The following GTF2F1 variants were observed in gnomAD, a reference collection of about 807,000 sequenced individuals.
The protein encoded by GTF2F1 is general transcription factor IIF 74 kDa subunit.
Under a neutral mutation model 63.5 loss-of-function variants are expected in GTF2F1, and 39 were observed. That is an observed-to-expected ratio of 0.61 (90% CI 0.48 to 0.80). The LOEUF (loss-of-function observed/expected upper bound fraction) is 0.80, where lower values mean the gene tolerates loss of function less well. GTF2F1 is among the 30% of genes least tolerant of loss of function. The probability of loss-of-function intolerance (pLI) is 0.00; values close to 1 mark genes in which losing one functional copy is unlikely to be tolerated. For synonymous variants in GTF2F1, 287 were observed against 285.3 expected (o/e 1.01, Z -0.06); for missense variants, 657 against 718.3 (o/e 0.91, Z 0.97).
intron 5 of GTF2F1, chr19:6,386,928 C>A: frequency 5.8e-6 from 1 of 171,540 alleles, no homozygotes; most frequent in Non-Finnish European, 1.2e-5. Context: ...GTGCTCTGGG[C>A]CCCCAGCCTC....
chr19:6,392,799 G>T, intron 2 of GTF2F1, 58 bp downstream of exon 2: 5 of 1,524,238 alleles, frequency 3.3e-6, no homozygotes, highest in Non-Finnish European at 4.6e-6. Context: ...TAAGAAGATC[G>T]TGAAGGTTTT....
chr19:6,383,404 G>T lies in GTF2F1; in HGVS notation c.589C>A (p.Arg197Ser), dbSNP rs750871501. 1.9e-6 allele frequency: 3 copies of T among 1,614,204 alleles called. No homozygotes were observed. Among genetic ancestry groups the T allele is most frequent in the Non-Finnish European group, 2.5e-6 (3 of 1,180,042 alleles). The stretch of plus-strand genomic sequence containing the variant: ...AGCTCGCTCGCCTTCCTGCGGCCAC[G>T]TTTCTCCTTCTCCTCCTCATCCTCG... ...QDEDEEEKEK[R>S]GRRKASELRI... is the part of the protein sequence containing the mutation. The change falls in exon 6 of 13, where the codon CGT (arginine) becomes AGT (serine). Residue 197 changes from arginine (R) to serine (S), a missense_variant. Physicochemically the swap from Arg to Ser is moderately radical, Grantham distance 110. Coordinates refer to ENST00000394456, the MANE Select transcript of GTF2F1 (RefSeq NM_002096.3). The surrounding 1 kb of genome is among the most constrained non-coding windows in gnomAD (Gnocchi z 4.5).
Position 6,383,454 on chromosome 19 carries a change from C to T in GTF2F1, c.539G>A (p.Arg180Gln), listed in dbSNP as rs745726136. ...VLNHFSIMQQ[R>Q]RLKDQDQDED... ...GTCCTGGTCCTGATCCTTGAGCCGC[C>T]GCTGCTGCATGATGCTGAAGTGGTT... The change falls in exon 6 of 13, where the codon CGG becomes CAG. Residue 180 changes from arginine to glutamine, a missense_variant. Physicochemically the swap from Arg to Gln is conservative, Grantham distance 43 (BLOSUM62 1). This residue lies in a region of GTF2F1 where 602 missense variants were observed against 625.6 expected (regional missense o/e 0.96). Coordinates refer to ENST00000394456, the MANE Select transcript of GTF2F1 (RefSeq NM_002096.3). The surrounding 1 kb of genome is among the most constrained non-coding windows in gnomAD (Gnocchi z 4.5). 1.3e-5 allele frequency: 21 copies of T among 1,614,032 alleles called. No individual in the cohort carries two copies. Among genetic ancestry groups the T allele is most frequent in the Non-Finnish European group, 1.7e-5 (20 of 1,180,042 alleles).
intron 3 of GTF2F1, among the ~76,000 whole-genome samples, chr19:6,391,415 T>C (rs190374108): frequency 9.3e-5 from 14 of 150,422 alleles, no homozygotes; most frequent in South Asian, 2.1e-4. Context: ...ACCCAGGAGC[T>C]AGGCCTGGGC....
chr19:6,387,596 AC>A, intron 4 of GTF2F1, 37 bp from the exon 5 acceptor site: 1 of 1,557,670 alleles, frequency 6.4e-7, no homozygotes, highest in Non-Finnish European at 8.8e-7. Context: ...GCCCATAGGG[AC>A]CAGCCCCAGC....
In GTF2F1 at chr19:6,381,663, A is replaced by G. The variant is rs376212238; in HGVS notation, c.836+34T>C. 1 of 1,613,948 alleles carries G rather than the reference A, an allele frequency of 6.2e-7. No individual in the cohort carries two copies. Among genetic ancestry groups the G allele is most frequent in the Non-Finnish European group, 8.5e-7 (1 of 1,180,022 alleles). On this transcript the variant is annotated intron_variant, in intron 7 of 12. Coordinates refer to ENST00000394456, the MANE Select transcript of GTF2F1 (RefSeq NM_002096.3). This position sits in a 1 kb window ranked among gnomAD's most constrained non-coding sequence, Gnocchi z 4.1. The stretch of plus-strand genomic sequence containing the variant: ...GATGAGCGCGCGCTCGCGAGGCTGC[A>G]TGGGGTCTCGCAGGCGCCTCCCGTC...
intron 5 of GTF2F1, among the ~76,000 whole-genome samples, chr19:6,385,141 T>A (rs961788365): frequency 3.3e-5 from 5 of 151,842 alleles, no homozygotes; most frequent in African/African-American, 1.2e-4. Context: ...ACACCTGTAA[T>A]CCCAGCATAT....
At chr19:6,387,132 T>C (rs1445033798) in intron 5 of GTF2F1, 2 of 470,534 alleles carry the variant, frequency 4.3e-6, no homozygotes, top group African/African-American at 2.0e-5. Context: ...AGGGGGCAGT[T>C]AGACCCCACC....
At chr19:6,389,190 C>CG (rs2091985963) in intron 4 of GTF2F1, among the ~76,000 whole-genome samples, 1 of 151,944 alleles carries the variant, frequency 6.6e-6, no homozygotes, top group African/African-American at 2.4e-5. Context: ...GAGCCAAGAT[C>CG]GTGCTACTGC....
At chr19:6,386,729 C>T (rs2091975503) in intron 5 of GTF2F1, 1 of 152,382 alleles carries the variant, frequency 6.6e-6, no homozygotes. Flanking sequence ...AGGCGTGAGC[C>T]ACCACACCCA....
In GTF2F1 at chr19:6,389,574, C is replaced by A. The variant is rs2091988310; in HGVS notation, c.196G>T (p.Gly66Cys). Residue 66 changes from glycine (G) to cysteine (C), a missense_variant, in exon 4 of 13, where the codon GGC becomes TGC. Gly to Cys is a radical substitution (Grantham distance 159). Around this residue, in one of 2 missense-constraint regions of GTF2F1, gnomAD observed 602 missense variants for 625.6 expected, o/e 0.96. Coordinates refer to ENST00000394456, the MANE Select transcript of GTF2F1 (RefSeq NM_002096.3). The stretch of plus-strand genomic sequence containing the variant: ...TTGCGGTTGAACTCACTGCCCGCGC[C>A]CGATTCGGGCATCTCCTCCTCTTGG... ...IYQEEEMPESGAGSEFNRKLR... is the reference protein window; with the variant it reads ...IYQEEEMPESCAGSEFNRKLR... 1.2e-6 allele frequency: 2 copies of A among 1,614,102 alleles called. No individual in the cohort carries two copies. Among genetic ancestry groups the A allele is most frequent in the Admixed American group, 3.3e-5 (2 of 60,012 alleles).
At chr19:6,392,949 T>A in intron 1 of GTF2F1, 35 bp downstream of exon 1, 4 of 1,613,920 alleles carry the variant, frequency 2.5e-6, no homozygotes, top group Non-Finnish European at 3.4e-6. Context: ...GAGGTCGCCG[T>A]CGGAACCCCC....
chr19:6,381,405 C>T lies in GTF2F1; in HGVS notation c.972G>A (p.Glu324=). 1 of 1,611,154 alleles carries T rather than the reference C, an allele frequency of 6.2e-7. No individual in the cohort carries two copies. Among genetic ancestry groups the T allele is most frequent in the Non-Finnish European group, 8.5e-7 (1 of 1,179,598 alleles). ...EKPPEEDKEE[E]EEKKAPTPQE... Reference sequence around the variant, plus strand: ...GCGGGGTGGGTGCCTTCTTCTCCTCCTCCTCCTCCTTGTCCTCCTCAGGCG... The same window carrying T: ...GCGGGGTGGGTGCCTTCTTCTCCTCTTCCTCCTCCTTGTCCTCCTCAGGCG... The change falls in exon 9 of 13, where the codon GAG becomes GAA. Residue 324 remains glutamate, a synonymous_variant. Transcript: ENST00000394456. This position sits in a 1 kb window ranked among gnomAD's most constrained non-coding sequence, Gnocchi z 4.1.
intron 3 of GTF2F1, 179 bp from the exon 4 acceptor site, chr19:6,389,816 C>T (rs2091989637): frequency 2.4e-5 from 13 of 550,198 alleles, no homozygotes; most frequent in East Asian, 6.0e-5. Context: ...GGAATTTGGG[C>T]GAGCCTTGCG....
chr19:6,381,004 C>T lies in GTF2F1; in HGVS notation c.1131G>A (p.Ser377=), dbSNP rs762142998. The T allele has an allele frequency of 1.1e-5, 17 of 1,610,248 alleles. No homozygotes were observed. Among genetic ancestry groups the T allele is most frequent in the South Asian group, 4.4e-5 (4 of 90,278 alleles). Residue 377 remains serine, a synonymous_variant, in exon 11 of 13, where the codon TCG becomes TCA. Coordinates refer to ENST00000394456, the MANE Select transcript of GTF2F1 (RefSeq NM_002096.3). The surrounding 1 kb of genome is among the most constrained non-coding windows in gnomAD (Gnocchi z 4.1). ...KTPPKRERKP[S]GGSSRGNSRP... is the part of the protein sequence containing the mutation. ...GGCTGTTGCCCCTTGAGCTCCCTCC[C>T]GACGGCTTCCGCTCTCTCTTGGGTG... is the stretch of plus-strand genomic sequence containing the variant.
At chr19:6,392,558 T>C (rs2092004773) in intron 2 of GTF2F1, 1 of 587,976 alleles carries the variant, frequency 1.7e-6, no homozygotes, top group African/African-American at 1.8e-5. Context: ...CTGACCACTT[T>C]GAAACAGGAC....
In GTF2F1 at chr19:6,387,513, A is replaced by G. The variant is rs1224285419; in HGVS notation, c.373T>C (p.Tyr125His). The G allele has an allele frequency of 3.0e-5, 49 of 1,614,156 alleles. No individual in the cohort carries two copies. The East Asian group carries it at 1.1e-3, about 36-fold the overall frequency. ...CCGTCGGGGCACTGGGTGAAGATGT[A>G]GTAGGACGTGTTCTCTGTTACGCCT... ...KGGVTENTSY[Y>H]IFTQCPDGAF... The change falls in exon 5 of 13, where the codon TAC becomes CAC. Residue 125 changes from tyrosine to histidine, a missense_variant. Around this residue, in one of 2 missense-constraint regions of GTF2F1, gnomAD observed 602 missense variants for 625.6 expected, o/e 0.96. Coordinates refer to ENST00000394456, the MANE Select transcript of GTF2F1 (RefSeq NM_002096.3).
intron 4 of GTF2F1, 54 bp from the exon 5 acceptor site, chr19:6,387,613 C>G (rs555842772): frequency 6.9e-7 from 1 of 1,442,632 alleles, no homozygotes; most frequent in African/African-American, 1.4e-5. Flanking sequence ...CCAGCCCCCC[C>G]GTGTCCCCCC....
intron 4 of GTF2F1, 31 bp from the exon 5 acceptor site, chr19:6,387,590 A>G: frequency 6.2e-7 from 1 of 1,600,352 alleles, no homozygotes; most frequent in Non-Finnish European, 8.6e-7. Context: ...GGCCTGGCCC[A>G]TAGGGACCAG....
Sources: allele counts gnomAD v4.1 joint callset (sites outside exome capture counted in the v4.1 genomes callset), GRCh38; gene constraint gnomAD v4.1.1; regional missense constraint gnomAD v4.1.1; non-coding constraint Gnocchi (gnomAD v3.1); transcripts MANE v1.5; gene names NCBI Gene and HGNC (gene_info 2026-07-23, HGNC 2026-07-21).